The following KNDC1 variants were observed in gnomAD, a reference collection of about 807,000 sequenced individuals.
KNDC1 encodes the protein kinase non-catalytic C-lobe domain containing 1, also known as kinase non-catalytic C-lobe domain-containing protein 1.
Under a neutral mutation model 172.8 loss-of-function variants are expected in KNDC1, and 106 were observed. The observed-to-expected ratio is 0.61, with a 90% confidence interval of 0.52 to 0.72. The LOEUF is 0.72. KNDC1 is among the 30% of genes least tolerant of loss of function. The probability of loss-of-function intolerance (pLI) is 0.00; values close to 1 mark genes in which losing one functional copy is unlikely to be tolerated. For missense variants in KNDC1, 2,325 were observed against 2,394.5 expected (o/e 0.97, Z 0.61); for synonymous variants, 1,083 against 1,062.2 (o/e 1.02, Z -0.38).
In KNDC1 at chr10:133,224,672, G is replaced by T. The variant is rs1296732930; in HGVS notation, c.5032G>T (p.Val1678Leu). The T allele has an allele frequency of 6.2e-7, 1 of 1,613,856 alleles. No homozygotes were observed. Residue 1678 changes from valine (V) to leucine (L), a missense_variant, in exon 30 of 30, where the codon GTG becomes TTG. Coordinates refer to ENST00000304613, the MANE Select transcript of KNDC1 (RefSeq NM_152643.8). This position sits in a 1 kb window ranked among gnomAD's most constrained non-coding sequence, Gnocchi z 5.4. ...RWSKLRNIAKVVSQVHAFQEN... is the reference protein window; with the variant it reads ...RWSKLRNIAKLVSQVHAFQEN... The stretch of plus-strand genomic sequence containing the variant: ...CCTCAACGGAAGGAACATCGCAAAG[G>T]TGGTGAGCCAGGTGCACGCGTTCCA...
intron 3 of KNDC1, among the ~76,000 whole-genome samples, chr10:133,171,382 C>A (rs953849882): frequency 6.6e-6 from 1 of 151,954 alleles, no homozygotes; most frequent in Non-Finnish European, 1.5e-5. Flanking sequence ...GTGATCCTCC[C>A]ACCTCAGCCT....
intron 17 of KNDC1, chr10:133,202,589 A>G (rs1185258498): frequency 2.2e-6 from 1 of 456,296 alleles, no homozygotes; most frequent in African/African-American, 2.0e-5. Context: ...CTCTCCTACC[A>G]CCGTCTGCCT....
At chr10:133,185,389 A>G (rs4072751) in intron 5 of KNDC1, among the ~76,000 whole-genome samples, 6,436 of 43,822 alleles carry the variant, frequency 0.15, 399 homozygotes, top group South Asian at 0.24. Flanking sequence ...GGCAGTGTGT[A>G]CAGTGTGGAG....
At chr10:133,210,465 C>G (rs933294204) in intron 20 of KNDC1, 146 bp from the exon 21 acceptor site, 1 of 575,054 alleles carries the variant, frequency 1.7e-6, no homozygotes, top group Non-Finnish European at 3.1e-6. Flanking sequence ...TCCATGTCCC[C>G]CCTTTAATTT....
chr10:133,180,750 C>T (rs1468100733), intron 3 of KNDC1, among the ~76,000 whole-genome samples: 1 of 152,258 alleles, frequency 6.6e-6, no homozygotes, highest in Non-Finnish European at 1.5e-5. Context: ...CCCTGATGCG[C>T]AGGGGCGCTC....
intron 17 of KNDC1, among the ~76,000 whole-genome samples, chr10:133,205,546 G>A (rs950995891): frequency 6.6e-6 from 1 of 152,224 alleles, no homozygotes; most frequent in Non-Finnish European, 1.5e-5. Flanking sequence ...CCAAGGGCTG[G>A]GGCAAACGCT....
chr10:133,183,306 G>T (rs370457700), intron 3 of KNDC1, 38 bp from the exon 4 acceptor site: 4 of 1,555,422 alleles, frequency 2.6e-6, no homozygotes, highest in South Asian at 2.3e-5. Context: ...TGGCGCACAC[G>T]CAGAGACTCT....
chr10:133,170,539 G>T (rs1415344628), intron 3 of KNDC1, among the ~76,000 whole-genome samples: 1 of 152,192 alleles, frequency 6.6e-6, no homozygotes, highest in East Asian at 1.9e-4. Context: ...AAAAAGTATT[G>T]TCTGCCCCTA....
rs1320413729 is a variant in KNDC1 at position 133,211,315 on chromosome 10, G to A, written c.3909-107G>A. The A allele has an allele frequency of 4.8e-6, 5 of 1,035,372 alleles. No homozygotes were observed. In the African/African-American group the frequency reaches 5.0e-5, roughly 10 times the overall value. The allele number at this position is 1,035,372 out of a possible 1,614,324, so 64.1% of individuals were successfully genotyped here. On this transcript the variant is annotated intron_variant, in intron 21 of 29. Coordinates refer to ENST00000304613, the MANE Select transcript of KNDC1 (RefSeq NM_152643.8). Reference sequence around the variant, plus strand: ...AGCCCCCTAAGCCCCCTGCACACATGGAGCCTGGTCCCACCCTGCCTCTCT... The same window carrying A: ...AGCCCCCTAAGCCCCCTGCACACATAGAGCCTGGTCCCACCCTGCCTCTCT...
In KNDC1 at chr10:133,207,250, G is replaced by C; in HGVS notation, c.3693G>C (p.Ser1231=). 6.2e-7 allele frequency: 1 copy of C among 1,613,000 alleles called. No homozygotes were observed. The highest frequency in any genetic ancestry group is 8.5e-7 in the Non-Finnish European group (1 of 1,179,968). Residue 1231 remains serine, a synonymous_variant, in exon 20 of 30, where the codon TCG becomes TCC. Coordinates refer to ENST00000304613, the MANE Select transcript of KNDC1 (RefSeq NM_152643.8). The part of the protein sequence containing the change: ...LDFSPLDESS[S]LIFYNVNKHP... ...TCAGCCCCCTGGACGAGTCCTCCTC[G>C]CTCATCTTCTACAACGTCAACAAGC...
In KNDC1 at chr10:133,197,156, C is replaced by T. The variant is rs376653465; in HGVS notation, c.1812+21C>T. The T allele has an allele frequency of 6.9e-5, 110 of 1,592,442 alleles. 1 individual carries two copies. Among genetic ancestry groups the T allele is most frequent in the East Asian group, 2.7e-4 (12 of 44,520 alleles). Reference sequence around the variant, plus strand: ...GCCAGGTGGGCTAGAACAGCCAGGCCGCCGCCTCCTCCGCCGCGCTTAGCT... The same window carrying T: ...GCCAGGTGGGCTAGAACAGCCAGGCTGCCGCCTCCTCCGCCGCGCTTAGCT... On this transcript the variant is annotated intron_variant, in intron 11 of 29. Coordinates refer to ENST00000304613, the MANE Select transcript of KNDC1 (RefSeq NM_152643.8).
chr10:133,218,610 CTTTTA>C (rs879570051), intron 26 of KNDC1, among the ~76,000 whole-genome samples: 7 of 152,266 alleles, frequency 4.6e-5, no homozygotes, highest in South Asian at 2.1e-4. Context: ...TCAGGCTTTG[CTTTTA>C]TTTTGTTTTA....
intron 20 of KNDC1, among the ~76,000 whole-genome samples, chr10:133,207,765 C>G (rs943997756): frequency 6.6e-6 from 1 of 152,246 alleles, no homozygotes; most frequent in Non-Finnish European, 1.5e-5. Context: ...TCTGCAGCCC[C>G]CTCCACTCGG....
intron 1 of KNDC1, 133 bp downstream of exon 1, chr10:133,160,702 C>T (rs1376956974): frequency 3.0e-5 from 16 of 538,548 alleles, no homozygotes; most frequent in Non-Finnish European, 4.8e-5. Context: ...GGGTTCCCAC[C>T]GCCGTTCTCA....
In KNDC1 at chr10:133,186,800, T is replaced by G. The variant is rs1024775006; in HGVS notation, c.1326+126T>G. On this transcript the variant is annotated intron_variant, in intron 6 of 29. Coordinates refer to ENST00000304613, the MANE Select transcript of KNDC1 (RefSeq NM_152643.8). ...TTAACCTTCACCCTCGCTCCATAAT[T>G]AAAGACATTTTCATTGAGCTGCCCC... 8 of 696,990 alleles carry G rather than the reference T, an allele frequency of 1.1e-5. No homozygotes were observed. In the African/African-American group the frequency reaches 1.3e-4, roughly 11 times the overall value. The allele number at this position is 696,990 out of a possible 1,614,324, so 43.2% of individuals were successfully genotyped here.
chr10:133,198,991 C>A lies in KNDC1; in HGVS notation c.2483C>A (p.Pro828Gln), dbSNP rs771532004. The A allele has an allele frequency of 6.4e-7, 1 of 1,552,230 alleles. No individual in the cohort carries two copies. The highest frequency in any genetic ancestry group is 2.4e-5 in the East Asian group (1 of 41,360). ...PTTAHHGPRH[P>Q]PKPPRSKATE... is the part of the protein sequence containing the mutation. ...ACGGCCCACCACGGCCCACGCCACC[C>A]GCCCAAGCCCCCACGAAGCAAGGCC... The change falls in exon 14 of 30, where the codon CCG (proline) becomes CAG (glutamine). Residue 828 changes from proline (P) to glutamine (Q), a missense_variant. Physicochemically the swap from Pro to Gln is moderately conservative, Grantham distance 76. Coordinates refer to ENST00000304613, the MANE Select transcript of KNDC1 (RefSeq NM_152643.8).
At chr10:133,204,454 A>G (rs1854467599) in intron 17 of KNDC1, among the ~76,000 whole-genome samples, 1 of 152,038 alleles carries the variant, frequency 6.6e-6, no homozygotes, top group Non-Finnish European at 1.5e-5. Context: ...GGCTTGGGGA[A>G]CCTGGCTTAG....
rs1288209297 is a variant in KNDC1, at chr10:133,207,200, G to T, written c.3643G>T (p.Ala1215Ser). ...CTLPVIVNIA[A>S]APCDTLDFSP... ...CCTCCCAGTGATCGTGAACATCGCG[G>T]CCGCACCCTGCGACACGCTGGACTT... The change falls in exon 20 of 30, where the codon GCC becomes TCC. Residue 1215 changes from alanine (A) to serine (S), a missense_variant. Ala to Ser is a moderately conservative substitution (Grantham distance 99, BLOSUM62 1). Coordinates refer to ENST00000304613, the MANE Select transcript of KNDC1 (RefSeq NM_152643.8). 6.2e-7 allele frequency: 1 copy of T among 1,611,588 alleles called. No individual in the cohort carries two copies. The highest frequency in any genetic ancestry group is 2.2e-5 in the East Asian group (1 of 44,838).
chr10:133,212,672 G>A (rs1335627425), intron 23 of KNDC1, 44 bp from the exon 24 acceptor site: 2 of 1,565,000 alleles, frequency 1.3e-6, no homozygotes, highest in South Asian at 1.1e-5. Context: ...TGACCCAGAG[G>A]GGACACGGAG....
Sources: gnomAD v4.1 joint callset for allele counts (sites outside exome capture counted in the v4.1 genomes callset) on GRCh38, gnomAD v4.1.1 for gene constraint, Gnocchi (gnomAD v3.1) non-coding constraint, MANE v1.5 for transcripts, NCBI Gene and HGNC (gene_info 2026-07-23, HGNC 2026-07-21) for gene names.